Variants in CGGBP1 observed in about 807,000 individuals in gnomAD.
CGGBP1 encodes CGG triplet repeat binding protein 1.
A neutral mutation model predicts 11.4 loss-of-function variants in CGGBP1; 4 were observed. The observed-to-expected ratio is 0.35, with a 90% CI of 0.17 to 0.80. CGGBP1 has a LOEUF of 0.80. Among genes scored for constraint, CGGBP1 ranks in the 30% least tolerant of loss-of-function variants. The pLI is 0.52. For synonymous variants in CGGBP1, 76 were observed against 74.1 expected, an observed-to-expected ratio of 1.03 and a Z score of -0.13; for missense variants, 135 against 202.1, an observed-to-expected ratio of 0.67 and a Z score of 2.01.
At position 88,109,247 on chromosome 3, in the gene CGGBP1, T is replaced by G. The variant is rs552724690; in HGVS notation, c.-229+31723A>C. ...TTACTGAAGAAAATATTTTGAAGAT[T>G]AAGTGCATTAGAATAGTTGAGTATG... On this transcript the variant is annotated intron_variant, in intron 2 of 3. Coordinates refer to the CGGBP1 transcript ENST00000462901. 3.3e-5 allele frequency among the ~76,000 whole-genome samples: 5 copies of G among 151,872 alleles called. No homozygotes were observed. In the East Asian group the frequency reaches 7.7e-4, roughly 23 times the overall value.
intron 2 of CGGBP1, among the ~76,000 whole-genome samples, chr3:88,126,576 CATCT>C (rs1706112841): frequency 9.2e-6 from 1 of 108,308 alleles, no homozygotes; most frequent in Non-Finnish European, 1.8e-5. Context: ...TAAGTAGAAA[CATCT>C]TTTTTTTTTT....
In CGGBP1 at chr3:88,140,810, C is replaced by T. The variant is rs200909136; in HGVS notation, c.-229+160G>A. 67 of 1,613,684 alleles carry T rather than the reference C, an allele frequency of 4.2e-5. No homozygotes were observed. In the East Asian group the frequency reaches 1.1e-3, roughly 27 times the overall value. ...ATGGCTTAATTTTAACAAAACCATA[C>T]GTCAGACCATTGCCTCCCAGTTACC... On this transcript the variant is annotated intron_variant, in intron 2 of 3. Coordinates refer to the CGGBP1 transcript ENST00000462901.
At chr3:88,061,404 G>A (rs1706876071), upstream of CGGBP1, among the ~76,000 whole-genome samples, 1 of 152,056 alleles carries the variant, frequency 6.6e-6, no homozygotes, top group African/African-American at 2.4e-5. Context: ...AAATAAAACA[G>A]GAAGAACTTA....
intron 2 of CGGBP1, among the ~76,000 whole-genome samples, chr3:88,066,582 A>G (rs919331446): frequency 1.3e-5 from 2 of 152,144 alleles, no homozygotes; most frequent in Non-Finnish European, 2.9e-5. Context: ...AAACAAACAA[A>G]AAAAACAAAA....
chr3:88,140,465 A>T, intron 2 of CGGBP1: 2 of 1,613,734 alleles, frequency 1.2e-6, no homozygotes, highest in Non-Finnish European at 1.7e-6. Flanking sequence ...AAAGTATGGA[A>T]AAGAAAACAG....
chr3:88,127,789 A>T (rs1338516161), intron 2 of CGGBP1, among the ~76,000 whole-genome samples: 1 of 152,172 alleles, frequency 6.6e-6, no homozygotes, highest in African/African-American at 2.4e-5. Context: ...AGCATACCTC[A>T]CACTTTGGGA....
chr3:88,062,909 T>A (rs1272731953), upstream of CGGBP1, among the ~76,000 whole-genome samples: 1 of 152,196 alleles, frequency 6.6e-6, no homozygotes, highest in East Asian at 1.9e-4. Context: ...TGAGGGACAT[T>A]AGAGATAATC....
chr3:88,066,788 T>C (rs1401210438), intron 2 of CGGBP1, among the ~76,000 whole-genome samples: 1 of 152,192 alleles, frequency 6.6e-6, no homozygotes, highest in East Asian at 1.9e-4. Flanking sequence ...ACCTTAAAAA[T>C]TACAAACAAA....
At chr3:88,131,511 A>C (rs73132546) in intron 2 of CGGBP1, among the ~76,000 whole-genome samples, 11,966 of 152,242 alleles carry the variant, frequency 0.079, 529 homozygotes, top group Non-Finnish European at 0.1. Context: ...AGAAACAAGT[A>C]TACACAAACA....
At chr3:88,141,641 A>G in intron 1 of CGGBP1, 1 of 1,507,892 alleles carries the variant, frequency 6.6e-7, no homozygotes, top group Non-Finnish European at 9.0e-7. Flanking sequence ...GTTCTGTTTT[A>G]CAGGTGCCTG....
In CGGBP1 at chr3:88,058,085, G is replaced by A. The variant is rs1706612278; in HGVS notation, c.-192C>T. On this transcript the variant is annotated 5_prime_UTR_variant, in exon 2 of 4. Coordinates refer to ENST00000482016, the MANE Select transcript of CGGBP1 (RefSeq NM_001008390.2). ...GAATGGTCTCCAGAGCGAAACCAGA[G>A]ACGCATCAAATCCTGGCACTTTCCG... 6.6e-6 allele frequency: 1 copy of A among 152,210 alleles called. No homozygotes were observed. Among genetic ancestry groups the A allele is most frequent in the African/African-American group, 2.4e-5 (1 of 41,442 alleles). The allele number at this position is 152,210 out of a possible 1,614,324, so 9.4% of individuals were successfully genotyped here.
intron 3 of CGGBP1, 96 bp from the exon 4 acceptor site, chr3:88,056,095 T>TG: frequency 1.1e-6 from 1 of 891,492 alleles, no homozygotes; most frequent in Admixed American, 2.9e-5. Context: ...CTTCAAATAC[T>TG]TCAAAAAACT....
At chr3:88,059,192 G>T (rs1457550577), upstream of CGGBP1, 1 of 1,437,770 alleles carries the variant, frequency 7.0e-7, no homozygotes. Flanking sequence ...GAGCCCAGCC[G>T]AGAGGCCCCT....
upstream of CGGBP1, among the ~76,000 whole-genome samples, chr3:88,063,229 G>A (rs957686427): frequency 5.3e-5 from 8 of 152,084 alleles, no homozygotes; most frequent in Admixed American, 2.6e-4. Context: ...TATCTGGTCC[G>A]GAATATCAGT....
At position 88,053,410 on chromosome 3, in the gene CGGBP1, T is replaced by C. The variant is rs1183958474; in HGVS notation, c.*2063A>G. On this transcript the variant is annotated 3_prime_UTR_variant, in exon 4 of 4. Coordinates refer to ENST00000482016, the MANE Select transcript of CGGBP1 (RefSeq NM_001008390.2). ...AGTTACAGTGAATGTGGGAATTAAT[T>C]AGGAGTCTGAAAAAATACATTAAGA... The C allele has an allele frequency of 2.0e-5, 3 of 152,102 alleles. No individual in the cohort carries two copies. Among genetic ancestry groups the C allele is most frequent in the African/African-American group, 7.2e-5 (3 of 41,432 alleles). The allele number at this position is 152,102 out of a possible 1,614,324, so 9.4% of individuals were successfully genotyped here. A position where few individuals can be genotyped will look rare whatever the true frequency, so the allele number is the denominator to read the frequency against.
chr3:88,077,499 ATTTTTTGTGATT>A (rs1707875420), intron 2 of CGGBP1, among the ~76,000 whole-genome samples: 1 of 54,584 alleles, frequency 1.8e-5, no homozygotes, highest in African/African-American at 4.0e-5. Flanking sequence ...CGCCCGGCTA[ATTTTTTGTGATT>A]TTTTTAGTAG....
At chr3:88,105,943 T>G (rs754750772) in intron 2 of CGGBP1, among the ~76,000 whole-genome samples, 1 of 152,156 alleles carries the variant, frequency 6.6e-6, no homozygotes, top group Non-Finnish European at 1.5e-5. Flanking sequence ...AAGGGTGAAT[T>G]TGGCCTCTTT....
At chr3:88,071,623 G>A (rs1178779353) in intron 2 of CGGBP1, among the ~76,000 whole-genome samples, 1 of 140,650 alleles carries the variant, frequency 7.1e-6, no homozygotes, top group Non-Finnish European at 1.5e-5. Flanking sequence ...GTGACAGAGC[G>A]AGACTCCATC....
intron 2 of CGGBP1, among the ~76,000 whole-genome samples, chr3:88,103,848 C>A (rs1173206557): frequency 6.8e-6 from 1 of 147,554 alleles, no homozygotes; most frequent in Non-Finnish European, 1.5e-5. Flanking sequence ...CTCACTGCAA[C>A]CTCTGCCTCT....
Sources: allele counts gnomAD v4.1 joint callset (sites outside exome capture counted in the v4.1 genomes callset), GRCh38; gene constraint gnomAD v4.1.1; transcripts MANE v1.5; gene names NCBI Gene and HGNC (gene_info 2026-07-23, HGNC 2026-07-21).